SPATA6: variants seen among roughly 807,000 people sequenced by gnomAD.
SPATA6 encodes the protein spermatogenesis associated 6.
In SPATA6, 56 loss-of-function variants were observed where a neutral mutation model predicts 65.3. That is an observed-to-expected ratio of 0.86 (90% CI 0.69 to 1.07). The LOEUF (loss-of-function observed/expected upper bound fraction) is 1.07, where lower values mean the gene tolerates loss of function less well. Ranked by LOEUF, SPATA6 falls within the 50% of genes least tolerant of loss-of-function variation. The probability of loss-of-function intolerance (pLI) is 0.00; values close to 1 mark genes in which losing one functional copy is unlikely to be tolerated. For synonymous variants in SPATA6, 199 were observed against 213.2 expected (o/e 0.93, Z 0.58); for missense variants, 590 against 594.8 (o/e 0.99, Z 0.08).
chr1:48,299,408 G>T (rs1312501362), intron 12 of SPATA6, among the ~76,000 whole-genome samples: 1 of 149,484 alleles, frequency 6.7e-6, no homozygotes. Context: ...CAGCTACTCG[G>T]GAGGCTGAGG....
intron 11 of SPATA6, among the ~76,000 whole-genome samples, chr1:48,319,540 T>G (rs1445308420): frequency 6.6e-6 from 1 of 151,976 alleles, no homozygotes; most frequent in African/African-American, 2.4e-5. Flanking sequence ...AGAGAAGCCA[T>G]GAAAATCAAG....
intron 9 of SPATA6, among the ~76,000 whole-genome samples, chr1:48,365,614 A>T (rs1324000706): frequency 6.6e-6 from 1 of 152,146 alleles, no homozygotes; most frequent in Non-Finnish European, 1.5e-5. Context: ...ATTGGTGTAT[A>T]AGAATTCTTG....
intron 9 of SPATA6, among the ~76,000 whole-genome samples, chr1:48,370,771 G>A (rs1417331888): frequency 6.6e-6 from 1 of 152,088 alleles, no homozygotes; most frequent in East Asian, 1.9e-4. Flanking sequence ...AAGCAGTGGG[G>A]GTTCCAGACC....
At chr1:48,429,707 G>A (rs986005219) in intron 3 of SPATA6, among the ~76,000 whole-genome samples, 3 of 152,044 alleles carry the variant, frequency 2.0e-5, no homozygotes, top group African/African-American at 7.2e-5. Flanking sequence ...TAAAATCACT[G>A]TCAAAGAGAT....
chr1:48,315,145 C>A (rs544458765), intron 11 of SPATA6, among the ~76,000 whole-genome samples: 1 of 152,306 alleles, frequency 6.6e-6, no homozygotes, highest in Admixed American at 6.5e-5. Flanking sequence ...CCTTCTGAAA[C>A]TATTCCAATC....
chr1:48,274,635 A>T, the SPATA6 span, among the ~76,000 whole-genome samples: 1 of 152,320 alleles, frequency 6.6e-6, no homozygotes, highest in South Asian at 2.1e-4. Flanking sequence ...ACGTTTTCAA[A>T]GATCATATGG....
At chr1:48,441,024 G>A (rs1655412984) in intron 3 of SPATA6, among the ~76,000 whole-genome samples, 1 of 152,176 alleles carries the variant, frequency 6.6e-6, no homozygotes, top group Non-Finnish European at 1.5e-5. Flanking sequence ...TGTTACCAGT[G>A]TGGTTTGCAA....
At chr1:48,283,054 A>G in the SPATA6 span, among the ~76,000 whole-genome samples, 61 of 152,144 alleles carry the variant, frequency 4.0e-4, no homozygotes, top group Admixed American at 3.9e-3. Context: ...GAAATTGGAA[A>G]TCATCATTCT....
chr1:48,466,441 TAA>T (rs1657813083), intron 1 of SPATA6, among the ~76,000 whole-genome samples: 1 of 152,010 alleles, frequency 6.6e-6, no homozygotes, highest in African/African-American at 2.4e-5. Flanking sequence ...AAATACTTAG[TAA>T]TAAGTACAAA....
chr1:48,366,108 G>T (rs183015371), intron 9 of SPATA6, among the ~76,000 whole-genome samples: 9 of 152,124 alleles, frequency 5.9e-5, no homozygotes, highest in Non-Finnish European at 1.0e-4. Flanking sequence ...ATTGATTTGC[G>T]TATGTTGAAC....
At chr1:48,407,149 A>T (rs1651786005) in intron 5 of SPATA6, among the ~76,000 whole-genome samples, 1 of 152,172 alleles carries the variant, frequency 6.6e-6, no homozygotes, top group Non-Finnish European at 1.5e-5. Flanking sequence ...TGCATAGGTA[A>T]GTGGTCATCC....
At chr1:48,426,392 AAAC>A (rs1356048966) in intron 3 of SPATA6, among the ~76,000 whole-genome samples, 3 of 152,190 alleles carry the variant, frequency 2.0e-5, no homozygotes, top group Admixed American at 6.5e-5. Context: ...AGAACTACAG[AAAC>A]TGACCACCCA....
chr1:48,319,639 A>G (rs906588549), intron 11 of SPATA6, among the ~76,000 whole-genome samples: 2 of 152,186 alleles, frequency 1.3e-5, no homozygotes, highest in Admixed American at 6.5e-5. Flanking sequence ...GGATGACTAA[A>G]TAAGAGATCC....
chr1:48,291,607 T>C (rs1644768608), downstream of SPATA6, among the ~76,000 whole-genome samples: 1 of 152,138 alleles, frequency 6.6e-6, no homozygotes, highest in Admixed American at 6.5e-5. Context: ...CCTCACCCAG[T>C]AGCACTGAGT....
In SPATA6 at chr1:48,440,685, G is replaced by A. The variant is rs571025641; in HGVS notation, c.238+10867C>T. On this transcript the variant is annotated intron_variant, in intron 3 of 12. Coordinates refer to ENST00000371847, the MANE Select transcript of SPATA6 (RefSeq NM_019073.4). ...GGAAGAAAATCCTTCTGCCTTCCTC[G>A]AGTGGCTATGGGAGGCCTTAAAAAA... Among the ~76,000 whole-genome samples, 90 of 152,178 alleles carry A rather than the reference G, an allele frequency of 5.9e-4. 2 individuals are homozygous for A. In the South Asian group the frequency reaches 0.018, roughly 30 times the overall value.
intron 3 of SPATA6, chr1:48,436,166 G>T: frequency 6.2e-7 from 1 of 1,610,780 alleles, no homozygotes; most frequent in Non-Finnish European, 8.5e-7. Flanking sequence ...ACAGGAAGAG[G>T]ATTTGACAAC....
chr1:48,391,146 C>T (rs1398805468), intron 8 of SPATA6, among the ~76,000 whole-genome samples: 1 of 150,378 alleles, frequency 6.6e-6, no homozygotes, highest in Non-Finnish European at 1.5e-5. Context: ...AGGAGGATCT[C>T]CTGAGTTCAG....
chr1:48,416,832 C>G (rs1027250643), intron 3 of SPATA6, among the ~76,000 whole-genome samples: 1 of 151,980 alleles, frequency 6.6e-6, no homozygotes, highest in African/African-American at 2.4e-5. Flanking sequence ...AAAAATAATG[C>G]AGCATAATTC....
At chr1:48,445,337 C>T (rs1655910132) in intron 3 of SPATA6, among the ~76,000 whole-genome samples, 1 of 152,148 alleles carries the variant, frequency 6.6e-6, no homozygotes, top group Admixed American at 6.5e-5. Context: ...CCCCTCCTTT[C>T]CCCTTCCATT....
Sources: allele counts gnomAD v4.1 joint callset (sites outside exome capture counted in the v4.1 genomes callset), GRCh38; gene constraint gnomAD v4.1.1; transcripts MANE v1.5; gene names NCBI Gene and HGNC (gene_info 2026-07-23, HGNC 2026-07-21).